The following CHRNA9 variants were observed in gnomAD, a reference collection of about 807,000 sequenced individuals.
CHRNA9 encodes the protein cholinergic receptor nicotinic alpha 9 subunit, also known as neuronal acetylcholine receptor subunit alpha-9.
A neutral mutation model predicts 36.8 loss-of-function variants in CHRNA9; 24 were observed. The ratio of observed to expected loss-of-function variants is 0.65; its 90% CI spans 0.47 to 0.92. The LOEUF is 0.92. Ranked by LOEUF, CHRNA9 falls within the 40% of genes least tolerant of loss-of-function variation. The pLI is 0.00. For missense variants in CHRNA9, 610 were observed against 601.2 expected, an observed-to-expected ratio of 1.01 and a Z score of -0.15; for synonymous variants, 231 against 231.8, an observed-to-expected ratio of 1.00 and a Z score of 0.03.
At chr4:40,353,902 C>A in intron 4 of CHRNA9, 77 bp from the exon 5 acceptor site, 1 of 1,260,448 alleles carries the variant, frequency 7.9e-7, no homozygotes, top group South Asian at 1.4e-5. Context: ...AGAATGTATC[C>A]CTGTTGTTAA....
rs1712893809 is a variant in CHRNA9, at chr4:40,354,383, C to T, written c.1303C>T (p.Leu435Phe). 2 of 1,614,066 alleles carry T rather than the reference C, an allele frequency of 1.2e-6. No homozygotes were observed. The highest frequency in any genetic ancestry group is 2.2e-5 in the East Asian group (1 of 44,894). ...GAATATTGAGTACATCGCCAAGTGC[C>T]TCAAAGACCACAAGGCCACCAATTC... ...TRNIEYIAKC[L>F]KDHKATNSKG... The change falls in exon 5 of 5, where the codon CTC becomes TTC. Residue 435 changes from leucine to phenylalanine, a missense_variant. Physicochemically the swap from Leu to Phe is conservative, Grantham distance 22. Coordinates refer to ENST00000310169, the MANE Select transcript of CHRNA9 (RefSeq NM_017581.4).
intron 3 of CHRNA9, among the ~76,000 whole-genome samples, chr4:40,344,607 T>C (rs1351534577): frequency 1.3e-5 from 2 of 151,992 alleles, no homozygotes; most frequent in East Asian, 3.9e-4. Context: ...TTAATATATA[T>C]AGTTTGTTTA....
At chr4:40,346,530 T>A (rs774834370) in intron 3 of CHRNA9, among the ~76,000 whole-genome samples, 6 of 152,202 alleles carry the variant, frequency 3.9e-5, no homozygotes, top group Admixed American at 2.0e-4. Context: ...GTAGGATGGG[T>A]GAGCAGTGTT....
At chr4:40,346,761 C>T (rs1342301388) in intron 3 of CHRNA9, among the ~76,000 whole-genome samples, 3 of 152,044 alleles carry the variant, frequency 2.0e-5, no homozygotes, top group East Asian at 1.9e-4. Flanking sequence ...ACCTTAAAAA[C>T]ATGCCTGTTC....
intron 3 of CHRNA9, among the ~76,000 whole-genome samples, chr4:40,341,147 T>C (rs55677621): frequency 0.14 from 21,384 of 152,046 alleles, 1,546 homozygotes; most frequent in African/African-American, 0.16. Context: ...TGTTTAGTAT[T>C]AGTATATGGT....
chr4:40,337,617 C>T (rs1450016586), intron 3 of CHRNA9, among the ~76,000 whole-genome samples: 1 of 152,296 alleles, frequency 6.6e-6, no homozygotes, highest in East Asian at 1.9e-4. Flanking sequence ...CATTAGTTTG[C>T]TAGGGCTAAC....
Position 40,354,129 on chromosome 4 carries a change from TTGTC to T in CHRNA9, c.1051_1054del (p.Val351MetfsTer31). ...CTGAAATACATGTCCAGGGTCTTGT[TTGTC>T]TATGATGTGGGTGAAAGCTGCCTCA... On this transcript the variant is annotated frameshift_variant, in exon 5 of 5. Coordinates refer to ENST00000310169, the MANE Select transcript of CHRNA9 (RefSeq NM_017581.4). LOFTEE classifies it low-confidence loss of function (END_TRUNC). 6.2e-7 allele frequency: 1 copy of T among 1,614,154 alleles called. No homozygotes were observed. Among genetic ancestry groups the T allele is most frequent in the Non-Finnish European group, 8.5e-7 (1 of 1,180,004 alleles).
At chr4:40,345,437 C>T (rs895752628) in intron 3 of CHRNA9, among the ~76,000 whole-genome samples, 7 of 152,030 alleles carry the variant, frequency 4.6e-5, no homozygotes, top group Admixed American at 2.6e-4. Flanking sequence ...TCAAGGCCGG[C>T]GTGGTGGCTC....
intron 3 of CHRNA9, 57 bp downstream of exon 3, chr4:40,337,421 T>C: frequency 6.4e-7 from 1 of 1,554,944 alleles, no homozygotes; most frequent in Non-Finnish European, 8.8e-7. Context: ...TTTCATAGAA[T>C]TTAAACATAA....
intron 3 of CHRNA9, among the ~76,000 whole-genome samples, chr4:40,342,904 C>T (rs1030895168): frequency 1.3e-5 from 2 of 151,986 alleles, no homozygotes; most frequent in Non-Finnish European, 2.9e-5. Context: ...CTCACACGAC[C>T]AGAAGGGAAG....
At chr4:40,353,846 G>A in intron 4 of CHRNA9, 133 bp from the exon 5 acceptor site, 3 of 785,800 alleles carry the variant, frequency 3.8e-6, no homozygotes, top group Non-Finnish European at 6.1e-6. Context: ...ACACTCTTAT[G>A]ATGTTCACAC....
intron 4 of CHRNA9, among the ~76,000 whole-genome samples, chr4:40,353,228 C>T (rs192073680): frequency 9.2e-5 from 14 of 152,266 alleles, no homozygotes; most frequent in Admixed American, 5.9e-4. Flanking sequence ...CGGTGGCTCA[C>T]GCCTGTAATT....
rs1282880958 is a variant in CHRNA9 at position 40,339,684 on chromosome 4, C to CG, written c.365+2324dup. ...TCTCAAAAAAAAAAAAAAAAAAAGG[C>CG]GGGGTCTCACTCCTATCGCCCACGC... On this transcript the variant is annotated intron_variant, in intron 3 of 4. Transcript: ENST00000310169. Among the ~76,000 whole-genome samples the CG allele has an allele frequency of 8.7e-5, 10 of 115,052 alleles. No homozygotes were observed. The South Asian group carries it at 2.4e-3, about 28-fold the overall frequency. 75.5% of individuals were successfully genotyped at this position (115,052 alleles called of 152,430 possible).
chr4:40,343,492 C>T (rs537180531), intron 3 of CHRNA9, among the ~76,000 whole-genome samples: 68 of 152,220 alleles, frequency 4.5e-4, no homozygotes, highest in African/African-American at 1.4e-3. Flanking sequence ...AGAAAAAACC[C>T]GCCCCCATGA....
intron 3 of CHRNA9, among the ~76,000 whole-genome samples, chr4:40,338,621 T>C (rs140972621): frequency 6.6e-6 from 1 of 152,050 alleles, no homozygotes; most frequent in Non-Finnish European, 1.5e-5. Flanking sequence ...GCAGCACGGG[T>C]GGGTTGCAGC....
intron 3 of CHRNA9, among the ~76,000 whole-genome samples, chr4:40,339,151 C>T (rs1256368134): frequency 2.0e-5 from 3 of 151,312 alleles, no homozygotes; most frequent in South Asian, 2.1e-4. Flanking sequence ...TGGTGGCGGG[C>T]GCCTGTAATC....
chr4:40,351,808 T>C (rs1682994267), intron 4 of CHRNA9, among the ~76,000 whole-genome samples: 1 of 152,246 alleles, frequency 6.6e-6, no homozygotes, highest in African/African-American at 2.4e-5. Flanking sequence ...TTGAACTCTT[T>C]TGTATAACTG....
At chr4:40,336,637 C>T (rs985823743) in intron 2 of CHRNA9, among the ~76,000 whole-genome samples, 10 of 139,630 alleles carry the variant, frequency 7.2e-5, no homozygotes, top group Non-Finnish European at 1.1e-4. Context: ...CCACCACACC[C>T]GGCTAATTTT....
chr4:40,345,334 A>C (rs1317622618), intron 3 of CHRNA9, among the ~76,000 whole-genome samples: 1 of 151,706 alleles, frequency 6.6e-6, no homozygotes, highest in African/African-American at 2.4e-5. Context: ...GGAGGATCGT[A>C]TGAGGCCAGG....
Sources: gnomAD v4.1 joint callset for allele counts (sites outside exome capture counted in the v4.1 genomes callset) on GRCh38, gnomAD v4.1.1 for gene constraint, MANE v1.5 for transcripts, NCBI Gene and HGNC (gene_info 2026-07-23, HGNC 2026-07-21) for gene names.